The following MATK variants were observed in gnomAD, a reference collection of about 807,000 sequenced individuals.
The protein encoded by MATK is megakaryocyte-associated tyrosine-protein kinase.
Under a neutral mutation model 59.8 loss-of-function variants are expected in MATK, and 41 were observed. That is an observed-to-expected ratio of 0.69 (90% confidence interval 0.53 to 0.89). The LOEUF (loss-of-function observed/expected upper bound fraction) is 0.89. MATK is among the 40% of genes least tolerant of loss of function. The probability of loss-of-function intolerance (pLI) is 0.00; values close to 1 mark genes in which losing one functional copy is unlikely to be tolerated. For synonymous variants in MATK, 308 were observed against 306.1 expected, an observed-to-expected ratio of 1.01 and a Z score of -0.06; for missense variants, 593 against 719.6, an observed-to-expected ratio of 0.82 and a Z score of 2.01.
chr19:3,796,013 C>T (rs187648469), intron 1 of MATK, among the ~76,000 whole-genome samples: 15 of 151,092 alleles, frequency 9.9e-5, no homozygotes, highest in African/African-American at 2.4e-4. Flanking sequence ...CTGCTTGCCT[C>T]GGCCTCCCAA....
In MATK at chr19:3,778,889, C is replaced by T. The variant is rs1173649203; in HGVS notation, c.1197+103G>A. 5.0e-6 allele frequency: 6 copies of T among 1,191,192 alleles called. No individual in the cohort carries two copies. In the Admixed American group the frequency reaches 8.3e-5, roughly 16 times the overall value. 73.8% of individuals were successfully genotyped at this position (1,191,192 alleles called of 1,614,324 possible). A position where few individuals can be genotyped will look rare whatever the true frequency, so the allele number is the denominator to read the frequency against. On this transcript the variant is annotated intron_variant, in intron 12 of 13. Coordinates refer to ENST00000310132, the MANE Select transcript of MATK (RefSeq NM_139355.3). The stretch of plus-strand genomic sequence containing the variant: ...CAAGAGCTTCCTGGGGAGGCATAGC[C>T]ATTGCCCTTGGAGTTTCAGAGAGGC...
rs372024180 is a variant in MATK at position 3,783,788 on chromosome 19, G to A, written c.582+26C>T. 6.7e-5 allele frequency: 107 copies of A among 1,599,336 alleles called. 1 individual carries two copies. In the African/African-American group the frequency reaches 9.9e-4, roughly 15 times the overall value. ...CCCTGGGCTGCCCCACTGCAGGGAC[G>A]GGGTGGGGCCTCTGGGTGGCAGCAC... On this transcript the variant is annotated intron_variant, in intron 6 of 13. Coordinates refer to ENST00000310132, the MANE Select transcript of MATK (RefSeq NM_139355.3).
chr19:3,785,389 T>TAGCC, intron 1 of MATK, 103 bp from the exon 2 acceptor site: 1 of 762,340 alleles, frequency 1.3e-6, no homozygotes, highest in East Asian at 3.0e-5. Flanking sequence ...GCGGGTCCTG[T>TAGCC]AGCCCTGCTG....
rs374683429 is a variant in MATK, at chr19:3,779,718, C to T, written c.822G>A (p.Leu274=). 1 of 1,613,166 alleles carries T rather than the reference C, an allele frequency of 6.2e-7. No homozygotes were observed. ...CTCACGTCATGACGGCCGTCTCGTC[C>T]AGGAAGGCCTGGGCTGTCACATCAC... is the stretch of plus-strand genomic sequence containing the variant. ...IKCDVTAQAF[L]DETAVMTKMQ... is the part of the protein sequence containing the mutation. Residue 274 remains leucine (L), a synonymous_variant, in exon 9 of 14, where the codon CTG becomes CTA. Transcript: ENST00000310132.
intron 1 of MATK, among the ~76,000 whole-genome samples, chr19:3,796,665 T>C (rs1438014824): frequency 6.6e-6 from 1 of 152,158 alleles, no homozygotes; most frequent in Admixed American, 6.6e-5. Context: ...TGCCCAGCTG[T>C]GATCCTGGCC....
Position 3,784,386 on chromosome 19 carries a change from C to T in MATK, c.198G>A (p.Glu66=), listed in dbSNP as rs2037448268. The change falls in exon 4 of 14, where the codon GAG becomes GAA. Residue 66 remains glutamate, a synonymous_variant. Transcript: ENST00000310132. ...CCACGTCGCCCTTGCGGAAGGCCAGCTCCCCTGGCTTGGGGCGGGTGTGCT... is the reference window on the plus strand; with the variant it reads ...CCACGTCGCCCTTGCGGAAGGCCAGTTCCCCTGGCTTGGGGCGGGTGTGCT... ...KCEHTRPKPG[E]LAFRKGDVVT... is the part of the protein sequence containing the mutation. 1 of 1,609,248 alleles carries T rather than the reference C, an allele frequency of 6.2e-7. No individual in the cohort carries two copies. Among genetic ancestry groups the T allele is most frequent in the Admixed American group, 1.7e-5 (1 of 59,650 alleles).
At chr19:3,795,822 C>T (rs1282116822) in intron 1 of MATK, among the ~76,000 whole-genome samples, 2 of 122,892 alleles carry the variant, frequency 1.6e-5, no homozygotes, top group East Asian at 2.6e-4. Context: ...AGTGCAGAGG[C>T]GTGATCTTGG....
chr19:3,786,629 G>A (rs1248206589), upstream of MATK, among the ~76,000 whole-genome samples: 8 of 149,326 alleles, frequency 5.4e-5, no homozygotes, highest in South Asian at 2.1e-4. The surrounding 1 kb of genome is among the most constrained non-coding windows in gnomAD (Gnocchi z 4.1). Context: ...CTGCCCGTCC[G>A]GGGAGATAAG....
intron 1 of MATK, among the ~76,000 whole-genome samples, chr19:3,794,976 T>C (rs994101186): frequency 1.1e-4 from 7 of 66,070 alleles, no homozygotes; most frequent in Non-Finnish European, 2.2e-4. Flanking sequence ...TTTCTTTTGC[T>C]TTTTTTTTTT....
rs529443147 is a variant in MATK at position 3,784,928 on chromosome 19, A to C, written c.73-44T>G. 7.4e-5 allele frequency: 106 copies of C among 1,435,942 alleles called. 1 individual carries two copies. Among genetic ancestry groups the C allele is most frequent in the Middle Eastern group, 5.3e-4 (3 of 5,702 alleles). The allele number at this position is 1,435,942 out of a possible 1,614,324, so 89.0% of individuals were successfully genotyped here. On this transcript the variant is annotated intron_variant, in intron 2 of 13. Transcript: ENST00000310132. ...CCAGGTGGGAGCTGGGCTGGGACCC[A>C]CGGTCCAGTTCCTACCACTTCCAGC...
intron 1 of MATK, among the ~76,000 whole-genome samples, chr19:3,793,919 G>A (rs1050010115): frequency 5.3e-5 from 8 of 152,086 alleles, no homozygotes; most frequent in African/African-American, 1.9e-4. Flanking sequence ...TTCCCACTAA[G>A]CTCAGTGTGC....
At chr19:3,779,481 G>C (rs748629332) in intron 10 of MATK, 30 bp from the exon 11 acceptor site, 8 of 1,612,400 alleles carry the variant, frequency 5.0e-6, no homozygotes, top group Non-Finnish European at 6.8e-6. Context: ...GCCGCGGGAT[G>C]TTGGGGCTGC....
In MATK at chr19:3,778,177, G is replaced by T; in HGVS notation, c.*6C>A. 6.4e-7 allele frequency: 1 copy of T among 1,551,404 alleles called. No homozygotes were observed. Among genetic ancestry groups the T allele is most frequent in the Non-Finnish European group, 8.7e-7 (1 of 1,154,046 alleles). On this transcript the variant is annotated 3_prime_UTR_variant, in exon 14 of 14. Transcript: ENST00000310132. ...CCTCTGGGGCCAAGGGCCCCACCGG[G>T]TGGGGTCAGGGCTCCTGGCTTCGGG...
Position 3,785,243 on chromosome 19 carries a change from A to T in MATK, c.-108T>A. 1 of 1,577,056 alleles carries T rather than the reference A, an allele frequency of 6.3e-7. No individual in the cohort carries two copies. Among genetic ancestry groups the T allele is most frequent in the South Asian group, 1.1e-5 (1 of 88,806 alleles). Reference sequence around the variant, plus strand: ...AGGCCAGTCGGCTGGCACAGGAGGTAGGGAGCTGGGTGCCACTGGACCGAG... The same window carrying T: ...AGGCCAGTCGGCTGGCACAGGAGGTTGGGAGCTGGGTGCCACTGGACCGAG... On this transcript the variant is annotated 5_prime_UTR_variant, in exon 2 of 14. Coordinates refer to ENST00000310132, the MANE Select transcript of MATK (RefSeq NM_139355.3).
chr19:3,784,521 G>A, intron 3 of MATK, 70 bp from the exon 4 acceptor site: 2 of 1,090,158 alleles, frequency 1.8e-6, no homozygotes, highest in Non-Finnish European at 2.7e-6. Context: ...GGCACGGGAG[G>A]GGAAAGAGGA....
chr19:3,801,151 C>A (rs1408548533), intron 1 of MATK, among the ~76,000 whole-genome samples: 4 of 152,206 alleles, frequency 2.6e-5, no homozygotes, highest in Admixed American at 2.0e-4. Flanking sequence ...CTTCCTAATG[C>A]ATTTCGTTTG....
At chr19:3,783,014 G>T in intron 7 of MATK, 112 bp downstream of exon 7, 1 of 919,822 alleles carries the variant, frequency 1.1e-6, no homozygotes, top group Non-Finnish European at 1.7e-6. Flanking sequence ...AGCTGGGCAT[G>T]GAGACAGGCT....
rs372758543 is a variant in MATK, at chr19:3,780,563, A to T, written c.743-766T>A. ...TGCCTCAGCCTCCCAAGTAGCTGGGACTACAGGCGCCCACCACCACGCCCG... is the reference window on the plus strand; with the variant it reads ...TGCCTCAGCCTCCCAAGTAGCTGGGTCTACAGGCGCCCACCACCACGCCCG... On this transcript the variant is annotated intron_variant, in intron 8 of 13. Coordinates refer to ENST00000310132, the MANE Select transcript of MATK (RefSeq NM_139355.3). Among the ~76,000 whole-genome samples the T allele has an allele frequency of 2.8e-3, 418 of 148,348 alleles. 3 individuals carry two copies. In the South Asian group the frequency reaches 0.029, roughly 10 times the overall value.
At position 3,786,353 on chromosome 19, in the gene MATK, C is replaced by T; in HGVS notation, c.-336G>A. 7 of 983,416 alleles carry T rather than the reference C, an allele frequency of 7.1e-6. No individual in the cohort carries two copies. The highest frequency in any genetic ancestry group is 8.4e-6 in the Non-Finnish European group (7 of 829,044). 60.9% of individuals were successfully genotyped at this position (983,416 alleles called of 1,614,324 possible). A position where few individuals can be genotyped will look rare whatever the true frequency, so the allele number is the denominator to read the frequency against. On this transcript the variant is annotated 5_prime_UTR_variant, in exon 1 of 14. Coordinates refer to ENST00000310132, the MANE Select transcript of MATK (RefSeq NM_139355.3). The surrounding 1 kb of genome is among the most constrained non-coding windows in gnomAD (Gnocchi z 4.1). ...GCGGGAGGCGCCGCGGCCTGGGAGGCCCCCGCGGGTCCTAGCGCCGGCCGC... is the reference window on the plus strand; with the variant it reads ...GCGGGAGGCGCCGCGGCCTGGGAGGTCCCCGCGGGTCCTAGCGCCGGCCGC...
Sources: gnomAD v4.1 joint callset for allele counts (sites outside exome capture counted in the v4.1 genomes callset) on GRCh38, gnomAD v4.1.1 for gene constraint, Gnocchi (gnomAD v3.1) non-coding constraint, MANE v1.5 for transcripts, NCBI Gene and HGNC (gene_info 2026-07-23, HGNC 2026-07-21) for gene names.